The following LMF1 variants were observed in gnomAD, a reference collection of about 807,000 sequenced individuals.
The protein encoded by LMF1 is lipase maturation factor 1, also known as transmembrane protein 112.
In LMF1, 68 loss-of-function variants were observed where a neutral mutation model predicts 60.6. The ratio of observed to expected loss-of-function variants is 1.12; its 90% CI spans 0.92 to 1.37. The LOEUF (loss-of-function observed/expected upper bound fraction) is 1.37. LMF1 is among the 40% of genes most tolerant of loss of function. The pLI, the probability that LMF1 is intolerant of heterozygous loss-of-function variation, is 0.00. For synonymous variants in LMF1, 418 were observed against 324.7 expected (o/e 1.29, Z -3.09); for missense variants, 948 against 767.2 (o/e 1.24, Z -2.78).
intron 10 of LMF1, among the ~76,000 whole-genome samples, chr16:867,076 T>C (rs1453660503): frequency 6.6e-6 from 1 of 152,216 alleles, no homozygotes; most frequent in African/African-American, 2.4e-5. Context: ...GGCCCACGGT[T>C]AGCCACAGCC....
At chr16:923,342 C>G (rs1026961587) in intron 3 of LMF1, among the ~76,000 whole-genome samples, 2 of 152,150 alleles carry the variant, frequency 1.3e-5, no homozygotes, top group Non-Finnish European at 2.9e-5. Flanking sequence ...CATTGCGTGG[C>G]TTCCTGAACA....
chr16:953,185 A>C (rs867067380), intron 2 of LMF1, among the ~76,000 whole-genome samples: 4 of 78,836 alleles, frequency 5.1e-5, no homozygotes, highest in Admixed American at 1.3e-4. Context: ...AGACACCCCA[A>C]ACCAGCCTCC....
At chr16:976,386 C>A (rs1243006131) in intron 1 of LMF1, 1 of 454,160 alleles carries the variant, frequency 2.2e-6, no homozygotes, top group Non-Finnish European at 4.4e-6. Context: ...CCCTCCTGTA[C>A]ACGGCACAGC....
At chr16:975,450 T>C (rs963560547), upstream of LMF1, among the ~76,000 whole-genome samples, 1 of 152,212 alleles carries the variant, frequency 6.6e-6, no homozygotes, top group African/African-American at 2.4e-5. Flanking sequence ...AGTCACCGTG[T>C]AGCGGTCACC....
intron 3 of LMF1, among the ~76,000 whole-genome samples, chr16:912,917 G>C (rs1275508339): frequency 6.6e-6 from 1 of 152,236 alleles, no homozygotes; most frequent in African/African-American, 2.4e-5. Flanking sequence ...GGCGGCCTCA[G>C]CGCCAAGGTC....
intron 1 of LMF1, among the ~76,000 whole-genome samples, chr16:965,264 G>A (rs1407442382): frequency 2.6e-5 from 4 of 151,940 alleles, no homozygotes; most frequent in African/African-American, 7.3e-5. Flanking sequence ...TTCAGCCCAC[G>A]CTACGAAGCT....
intron 3 of LMF1, chr16:933,746 G>A (rs1160073749): frequency 2.4e-5 from 8 of 336,682 alleles, no homozygotes; most frequent in South Asian, 1.0e-4. Context: ...CCGTCCTCCC[G>A]GCCCTGTCCT....
At chr16:954,723 C>T in intron 1 of LMF1, 57 bp from the exon 2 acceptor site, 2 of 1,495,368 alleles carry the variant, frequency 1.3e-6, no homozygotes, top group Non-Finnish European at 9.0e-7. Context: ...ATGTGGACAC[C>T]ATGGGCGCAG....
At chr16:949,539 G>GCCAACGAC in intron 2 of LMF1, among the ~76,000 whole-genome samples, 1 of 49,618 alleles carries the variant, frequency 2.0e-5, no homozygotes. Context: ...GACAGAGTCA[G>GCCAACGAC]AGCCAACGAC....
At chr16:954,731 C>G (rs2072628345) in intron 1 of LMF1, 65 bp from the exon 2 acceptor site, 3 of 1,476,954 alleles carry the variant, frequency 2.0e-6, no homozygotes, top group Non-Finnish European at 2.7e-6. Context: ...ACCATGGGCG[C>G]AGCTCAGAAT....
chr16:944,665 G>A (rs1404108112), intron 2 of LMF1, among the ~76,000 whole-genome samples: 2 of 152,212 alleles, frequency 1.3e-5, no homozygotes. Context: ...GACGGGCATG[G>A]AGTCCATGAA....
intron 4 of LMF1, among the ~76,000 whole-genome samples, chr16:894,527 C>T (rs1470790280): frequency 6.6e-6 from 1 of 152,156 alleles, no homozygotes; most frequent in Non-Finnish European, 1.5e-5. Context: ...CCTGCTCCAC[C>T]CCATAGAGGC....
In LMF1 at chr16:854,393, C is replaced by T; in HGVS notation, c.*139G>A. 1.1e-6 allele frequency: 1 copy of T among 906,068 alleles called. No individual in the cohort carries two copies. Among genetic ancestry groups the T allele is most frequent in the Non-Finnish European group, 1.7e-6 (1 of 580,512 alleles). 56.1% of individuals were successfully genotyped at this position (906,068 alleles called of 1,614,324 possible). A position where few individuals can be genotyped will look rare whatever the true frequency, so the allele number is the denominator to read the frequency against. On this transcript the variant is annotated 3_prime_UTR_variant, in exon 11 of 11. Transcript: ENST00000262301. ...GTGACAACAGACCCCACCCTGGACC[C>T]CCGTGCTGGGGGCTGGGTCCCACCG...
chr16:968,262 G>T (rs748750901), intron 1 of LMF1: 2 of 152,248 alleles, frequency 1.3e-5, no homozygotes, highest in African/African-American at 4.8e-5. Context: ...CAGGGCAGGC[G>T]TTTCTGTGTT....
rs1233194237 is a variant in LMF1, at chr16:953,892, CCTACACGT to C, written c.503+457_503+464del. The stretch of plus-strand genomic sequence containing the variant: ...CCACACAGACACCCCAAACCAGCCT[CCTACACGT>C]CCACACAGACACCCACCCCAAACCA... On this transcript the variant is annotated intron_variant, in intron 2 of 10. Coordinates refer to ENST00000262301, the MANE Select transcript of LMF1 (RefSeq NM_022773.4). Among the ~76,000 whole-genome samples, 5 of 101,726 alleles carry C rather than the reference CCTACACGT, an allele frequency of 4.9e-5. 2 individuals carry two copies. The highest frequency in any genetic ancestry group is 1.9e-4 in the African/African-American group (5 of 26,362). 66.7% of individuals were successfully genotyped at this position (101,726 alleles called of 152,430 possible).
At chr16:941,253 A>G (rs35344081) in intron 2 of LMF1, among the ~76,000 whole-genome samples, 38,505 of 151,650 alleles carry the variant, frequency 0.25, 5,151 homozygotes, top group African/African-American at 0.34. Context: ...TTTTTGCGAC[A>G]GAGTCTCACT....
chr16:869,513 C>T (rs888468290), intron 9 of LMF1: 20 of 554,620 alleles, frequency 3.6e-5, no homozygotes, highest in Admixed American at 1.5e-4. Context: ...GAGGCTGCAG[C>T]GGTTGGGCTC....
At chr16:880,605 G>T (rs4984702) in intron 5 of LMF1, among the ~76,000 whole-genome samples, 5 of 152,224 alleles carry the variant, frequency 3.3e-5, no homozygotes, top group African/African-American at 1.2e-4. Flanking sequence ...AGGAGGTAGA[G>T]GCTGCAGTGA....
At chr16:912,676 G>A (rs1365016201) in intron 3 of LMF1, among the ~76,000 whole-genome samples, 1 of 152,170 alleles carries the variant, frequency 6.6e-6, no homozygotes, top group Non-Finnish European at 1.5e-5. Context: ...CACGCCCCAG[G>A]CTCGCTGGGC....
Sources: gnomAD v4.1 joint callset for allele counts (sites outside exome capture counted in the v4.1 genomes callset) on GRCh38, gnomAD v4.1.1 for gene constraint, MANE v1.5 for transcripts, NCBI Gene and HGNC (gene_info 2026-07-23, HGNC 2026-07-21) for gene names.